PDE1C: variants seen among roughly 807,000 people sequenced by gnomAD.
PDE1C encodes phosphodiesterase 1C, also known as dual specificity calcium/calmodulin-dependent 3',5'-cyclic nucleotide phosphodiesterase 1C.
Under a neutral mutation model 93.1 loss-of-function variants are expected in PDE1C, and 62 were observed. The observed-to-expected ratio is 0.67, with a 90% confidence interval of 0.54 to 0.82. The LOEUF (loss-of-function observed/expected upper bound fraction) is 0.82. Ranked by LOEUF, PDE1C falls within the 40% of genes least tolerant of loss-of-function variation. The probability of loss-of-function intolerance (pLI) is 0.00; values close to 1 mark genes in which losing one functional copy is unlikely to be tolerated. For synonymous variants in PDE1C, 325 were observed against 310.1 expected (o/e 1.05, Z -0.50); for missense variants, 742 against 884.6 (o/e 0.84, Z 2.04).
intron 1 of PDE1C, among the ~76,000 whole-genome samples, chr7:32,334,460 T>C (rs1014199762): frequency 6.6e-6 from 1 of 152,110 alleles, no homozygotes; most frequent in Non-Finnish European, 1.5e-5. Context: ...CATAGGTTAT[T>C]GGGGTACAGG....
chr7:31,913,955 A>G (rs1801572564), intron 2 of PDE1C, among the ~76,000 whole-genome samples: 1 of 152,204 alleles, frequency 6.6e-6, no homozygotes, highest in South Asian at 2.1e-4. Flanking sequence ...TATGCCAGCT[A>G]GATCTACAGC....
upstream of PDE1C, among the ~76,000 whole-genome samples, chr7:32,302,807 G>C (rs1256339012): frequency 1.3e-5 from 2 of 152,076 alleles, no homozygotes; most frequent in Non-Finnish European, 2.9e-5. Flanking sequence ...TCTCACTAAT[G>C]CATTTCAACC....
chr7:31,701,209 GGGA>G, the PDE1C span, among the ~76,000 whole-genome samples: 1 of 152,200 alleles, frequency 6.6e-6, no homozygotes, highest in East Asian at 1.9e-4. Context: ...TGTGACTCAA[GGGA>G]GGAGGTCAAA....
chr7:31,877,977 G>A lies in PDE1C; in HGVS notation c.485C>T (p.Ala162Val). ...TCTTTTCACTCGTATTACCTTTAAT[G>A]CCTCAATAACAGCTGGTGGATAGCT... ...GLSYPPAVIE[A>V]LKDVDKWSFD... The change falls in exon 5 of 18, where the codon GCA (alanine) becomes GTA (valine). Residue 162 changes from alanine to valine, a missense_variant. Physicochemically the swap from Ala to Val is moderately conservative, Grantham distance 64. Coordinates refer to ENST00000396191, the MANE Select transcript of PDE1C (RefSeq NM_001191057.4). 2.5e-6 allele frequency: 4 copies of A among 1,608,864 alleles called. No homozygotes were observed. The highest frequency in any genetic ancestry group is 3.4e-6 in the Non-Finnish European group (4 of 1,175,886).
At chr7:32,306,226 T>C (rs530126369) in intron 1 of PDE1C, among the ~76,000 whole-genome samples, 5 of 152,196 alleles carry the variant, frequency 3.3e-5, no homozygotes, top group Non-Finnish European at 5.9e-5. Context: ...GTCTTGGGTA[T>C]GTCTTTATCA....
At chr7:32,071,995 T>G (rs1432545221), upstream of PDE1C, among the ~76,000 whole-genome samples, 1 of 114,150 alleles carries the variant, frequency 8.8e-6, no homozygotes, top group Non-Finnish European at 1.7e-5. Context: ...ATTATTTTCC[T>G]ATCTATTAGA....
chr7:32,406,197 A>G (rs1012865802), intron 1 of PDE1C, among the ~76,000 whole-genome samples: 1 of 152,200 alleles, frequency 6.6e-6, no homozygotes, highest in East Asian at 1.9e-4. Flanking sequence ...CCCCTGCACC[A>G]TCAGGCTCCT....
At chr7:32,071,038 C>G (rs960854650), upstream of PDE1C, 5 of 985,384 alleles carry the variant, frequency 5.1e-6, no homozygotes, top group Non-Finnish European at 6.0e-6. Context: ...TGTCAGCGCC[C>G]GGGCTGGTGT....
At chr7:31,785,902 T>C (rs1253967091) in intron 16 of PDE1C, 1 of 152,222 alleles carries the variant, frequency 6.6e-6, no homozygotes, top group African/African-American at 2.4e-5. Context: ...AGGAATATTG[T>C]CATTGCTCAT....
At chr7:32,213,290 C>G (rs980321756) in intron 1 of PDE1C, among the ~76,000 whole-genome samples, 7 of 152,140 alleles carry the variant, frequency 4.6e-5, no homozygotes, top group Non-Finnish European at 8.8e-5. Flanking sequence ...GATTGGAACA[C>G]AAGGCCCCCG....
chr7:31,815,452 C>G (rs1425030210), intron 15 of PDE1C, among the ~76,000 whole-genome samples: 1 of 152,106 alleles, frequency 6.6e-6, no homozygotes, highest in Non-Finnish European at 1.5e-5. Context: ...TCTCCCAGTC[C>G]CAGGTAAACT....
chr7:31,768,802 CTT>C (rs528701351), intron 17 of PDE1C, among the ~76,000 whole-genome samples: 1 of 149,274 alleles, frequency 6.7e-6, no homozygotes. Flanking sequence ...TCCCTTAACA[CTT>C]TTTTTTTTGA....
chr7:32,314,170 T>A (rs1783117640), intron 1 of PDE1C, among the ~76,000 whole-genome samples: 1 of 152,164 alleles, frequency 6.6e-6, no homozygotes, highest in Admixed American at 6.5e-5. Context: ...ATCAACAATT[T>A]TAATACTATA....
At chr7:32,132,506 GA>G (rs921074141) in intron 3 of PDE1C, among the ~76,000 whole-genome samples, 20 of 149,284 alleles carry the variant, frequency 1.3e-4, no homozygotes, top group African/African-American at 2.7e-4. Flanking sequence ...CAAAAAAATA[GA>G]AAAAAAAAAT....
intron 17 of PDE1C, among the ~76,000 whole-genome samples, chr7:31,754,218 T>G (rs1380320009): frequency 6.6e-6 from 1 of 152,216 alleles, no homozygotes; most frequent in Non-Finnish European, 1.5e-5. Context: ...TGCTAAAATC[T>G]AAAAAACTTG....
At chr7:31,685,826 C>G in the PDE1C span, among the ~76,000 whole-genome samples, 2 of 152,222 alleles carry the variant, frequency 1.3e-5, no homozygotes, top group African/African-American at 2.4e-5. Flanking sequence ...AAGAGCATCA[C>G]CTTTCAGCAA....
rs931832373 is a variant in PDE1C, at chr7:31,992,558, C to T, written c.128+58996G>A. On this transcript the variant is annotated intron_variant, in intron 2 of 17. Coordinates refer to ENST00000396191, the MANE Select transcript of PDE1C (RefSeq NM_001191057.4). ...AATTCCCTTGATGTGGTTCATGTTG[C>T]ATCCATAGGCTGGTGAGGTCTGAAG... 3.2e-4 allele frequency among the ~76,000 whole-genome samples: 48 copies of T among 152,156 alleles called. 2 individuals carry two copies.
intron 1 of PDE1C, among the ~76,000 whole-genome samples, chr7:32,384,647 G>A (rs1367289958): frequency 6.6e-6 from 1 of 152,164 alleles, no homozygotes. Context: ...ACAGGGACTA[G>A]AGCTTAAAGG....
chr7:31,643,033 A>C, the PDE1C span: 32 of 1,614,018 alleles, frequency 2.0e-5, no homozygotes, highest in African/African-American at 3.9e-4. Flanking sequence ...TGAGGTCACC[A>C]GACCCACAGC....
Sources: allele counts gnomAD v4.1 joint callset (sites outside exome capture counted in the v4.1 genomes callset), GRCh38; gene constraint gnomAD v4.1.1; transcripts MANE v1.5; gene names NCBI Gene and HGNC (gene_info 2026-07-23, HGNC 2026-07-21).